RAMP1: variants seen among roughly 807,000 people sequenced by gnomAD.
RAMP1 encodes the protein receptor activity modifying protein 1.
Under a neutral mutation model 8.2 loss-of-function variants are expected in RAMP1, and 7 were observed. The observed-to-expected ratio is 0.85, with a 90% CI of 0.49 to 1.60. RAMP1 has a LOEUF of 1.60. Among genes scored for constraint, RAMP1 ranks in the 40% most tolerant of loss-of-function variants. The pLI is 0.00. For missense variants in RAMP1, 192 were observed against 202.4 expected, an observed-to-expected ratio of 0.95 and a Z score of 0.31; for synonymous variants, 92 against 84.7, an observed-to-expected ratio of 1.09 and a Z score of -0.47.
At chr2:237,863,343 A>G (rs938980898) in intron 1 of RAMP1, among the ~76,000 whole-genome samples, 1 of 152,148 alleles carries the variant, frequency 6.6e-6, no homozygotes, top group Admixed American at 6.5e-5. Flanking sequence ...CCAGCCTGCC[A>G]TACCCCCTGC....
At chr2:237,871,869 GAAGA>G (rs1197053529) in intron 1 of RAMP1, among the ~76,000 whole-genome samples, 1 of 152,174 alleles carries the variant, frequency 6.6e-6, no homozygotes, top group African/African-American at 2.4e-5. Flanking sequence ...TCCAAAAAAG[GAAGA>G]AAGAAAACCA....
At chr2:237,897,374 G>A (rs1296152736) in intron 2 of RAMP1, among the ~76,000 whole-genome samples, 1 of 152,168 alleles carries the variant, frequency 6.6e-6, no homozygotes, top group African/African-American at 2.4e-5. Flanking sequence ...CATTTTCTCC[G>A]GCTTCATCAG....
At chr2:237,894,209 G>C (rs2151017355) in intron 2 of RAMP1, among the ~76,000 whole-genome samples, 1 of 152,202 alleles carries the variant, frequency 6.6e-6, no homozygotes, top group Non-Finnish European at 1.5e-5. Flanking sequence ...GACCTCAAGT[G>C]ATCAGCCCAC....
intron 2 of RAMP1, among the ~76,000 whole-genome samples, chr2:237,879,709 A>G (rs2062346966): frequency 7.0e-6 from 1 of 142,736 alleles, no homozygotes; most frequent in East Asian, 2.1e-4. Flanking sequence ...AAAAAATCTG[A>G]CCGGGCACTG....
chr2:237,866,460 T>C (rs541213610), intron 1 of RAMP1, among the ~76,000 whole-genome samples: 47 of 152,132 alleles, frequency 3.1e-4, no homozygotes, highest in Admixed American at 1.4e-3. Context: ...TGTTTTGTTC[T>C]CCAGTCGTAC....
intron 2 of RAMP1, among the ~76,000 whole-genome samples, chr2:237,904,850 G>A (rs150200792): frequency 1.3e-5 from 2 of 152,230 alleles, no homozygotes; most frequent in African/African-American, 4.8e-5. Context: ...GGTGGAGCTG[G>A]GATTTGAACC....
At chr2:237,891,196 G>C (rs62197083) in intron 2 of RAMP1, among the ~76,000 whole-genome samples, 97,689 of 149,186 alleles carry the variant, frequency 0.65, 32,253 homozygotes, top group African/African-American at 0.77. Context: ...GTCACCCAGA[G>C]TGAGGGTGCA....
intron 2 of RAMP1, among the ~76,000 whole-genome samples, chr2:237,894,775 T>A (rs982424276): frequency 6.6e-6 from 1 of 152,108 alleles, no homozygotes; most frequent in Admixed American, 6.5e-5. Flanking sequence ...GCTGGAACCT[T>A]CTCCCTTGCT....
chr2:237,911,712 C>A lies in RAMP1; in HGVS notation c.376C>A (p.Pro126Thr), dbSNP rs1053538684. The A allele has an allele frequency of 1.2e-6, 2 of 1,613,890 alleles. No homozygotes were observed. The highest frequency in any genetic ancestry group is 1.7e-6 in the Non-Finnish European group (2 of 1,179,928). The stretch of plus-strand genomic sequence containing the variant: ...CATCCTCTACCCCTTCATCGTGGTC[C>A]CCATCACGGTGACCCTGCTGGTGAC... ...GSILYPFIVV[P>T]ITVTLLVTAL... Residue 126 changes from proline to threonine, a missense_variant, in exon 3 of 3, where the codon CCC (proline) becomes ACC (threonine). Transcript: ENST00000254661.
chr2:237,883,816 C>CA (rs56095303), intron 2 of RAMP1, among the ~76,000 whole-genome samples: 8,254 of 61,212 alleles, frequency 0.13, 311 homozygotes, highest in East Asian at 0.25. Context: ...GACCCTACCT[C>CA]AAAAAAAAAA....
In RAMP1 at chr2:237,865,900, G is replaced by C. The variant is rs2062183260; in HGVS notation, c.52+6173G>C. On this transcript the variant is annotated intron_variant, in intron 1 of 2. Coordinates refer to ENST00000254661, the MANE Select transcript of RAMP1 (RefSeq NM_005855.4). This position sits in a 1 kb window ranked among gnomAD's most constrained non-coding sequence, Gnocchi z 4.2. ...CTTTGCAGGAGAGGCAGCGGCGAAA[G>C]CTGCCCTTAGGAGGCAGCGAGGAGG... is the stretch of plus-strand genomic sequence containing the variant. Among the ~76,000 whole-genome samples, 2 of 152,042 alleles carry C rather than the reference G, an allele frequency of 1.3e-5. No homozygotes were observed. Among genetic ancestry groups the C allele is most frequent in the African/African-American group, 4.8e-5 (2 of 41,412 alleles).
chr2:237,871,077 C>G (rs990787786), intron 1 of RAMP1, among the ~76,000 whole-genome samples: 2 of 152,202 alleles, frequency 1.3e-5, no homozygotes, highest in Non-Finnish European at 1.5e-5. Flanking sequence ...AGGAACAACC[C>G]GGCCCTGGCC....
intron 1 of RAMP1, among the ~76,000 whole-genome samples, chr2:237,875,401 C>G (rs2062292524): frequency 6.6e-6 from 1 of 151,360 alleles, no homozygotes; most frequent in Admixed American, 6.6e-5. Context: ...CCGGAGGAGG[C>G]TGTTCTGCCC....
chr2:237,894,464 G>A (rs987496809), intron 2 of RAMP1, among the ~76,000 whole-genome samples: 1 of 152,224 alleles, frequency 6.6e-6, no homozygotes, highest in Non-Finnish European at 1.5e-5. Flanking sequence ...GGGCGAGGCT[G>A]GCTGTGGAAG....
chr2:237,901,673 G>A (rs970050897), intron 2 of RAMP1, among the ~76,000 whole-genome samples: 4 of 152,180 alleles, frequency 2.6e-5, no homozygotes, highest in Non-Finnish European at 4.4e-5. Flanking sequence ...CACTGAAGGC[G>A]TGAAGCAGGG....
In RAMP1 at chr2:237,911,684, C is replaced by A; in HGVS notation, c.348C>A (p.Gly116=). The change falls in exon 3 of 3, where the codon GGC becomes GGA. Residue 116 remains glycine (G), a synonymous_variant. Transcript: ENST00000254661. ...GCAGGGCCGTGCGGGACCCGCCCGG[C>A]AGCATCCTCTACCCCTTCATCGTGG... The part of the protein sequence containing the change: ...ISGRAVRDPP[G]SILYPFIVVP... The A allele has an allele frequency of 6.2e-7, 1 of 1,614,026 alleles. No homozygotes were observed. The highest frequency in any genetic ancestry group is 8.5e-7 in the Non-Finnish European group (1 of 1,179,994).
chr2:237,866,279 G>A (rs1239855429), intron 1 of RAMP1, among the ~76,000 whole-genome samples: 1 of 151,958 alleles, frequency 6.6e-6, no homozygotes, highest in Non-Finnish European at 1.5e-5. Flanking sequence ...TTTTCTAGCT[G>A]GTCATCGCTG....
chr2:237,905,669 C>T (rs1372145713), intron 2 of RAMP1, among the ~76,000 whole-genome samples: 1 of 152,150 alleles, frequency 6.6e-6, no homozygotes, highest in African/African-American at 2.4e-5. Flanking sequence ...AACTAAACTG[C>T]CTGCGGGTTT....
At chr2:237,864,278 C>T (rs1210942433) in intron 1 of RAMP1, among the ~76,000 whole-genome samples, 1 of 152,206 alleles carries the variant, frequency 6.6e-6, no homozygotes, top group Admixed American at 6.5e-5. Flanking sequence ...TCTGACACCA[C>T]CTGGGAGGAG....
Sources: allele counts gnomAD v4.1 joint callset (sites outside exome capture counted in the v4.1 genomes callset), GRCh38; gene constraint gnomAD v4.1.1; non-coding constraint Gnocchi (gnomAD v3.1); transcripts MANE v1.5; gene names NCBI Gene and HGNC (gene_info 2026-07-23, HGNC 2026-07-21).